Variants in PKHD1 observed in about 807,000 individuals in gnomAD.
PKHD1 encodes PKHD1 ciliary IPT domain containing fibrocystin/polyductin.
Under a neutral mutation model 412.0 loss-of-function variants are expected in PKHD1, and 291 were observed. The observed-to-expected ratio is 0.71, with a 90% CI of 0.64 to 0.78. The LOEUF (loss-of-function observed/expected upper bound fraction) is 0.78. PKHD1 is among the 30% of genes least tolerant of loss of function. The pLI, the probability that PKHD1 is intolerant of heterozygous loss-of-function variation, is 0.00. For missense variants in PKHD1, 4,825 were observed against 4,950.7 expected (o/e 0.97, Z 0.76); for synonymous variants, 1,777 against 1,821.5 (o/e 0.98, Z 0.62).
At chr6:51,903,047 C>T (rs1251297335) in intron 43 of PKHD1, among the ~76,000 whole-genome samples, 1 of 152,036 alleles carries the variant, frequency 6.6e-6, no homozygotes, top group Non-Finnish European at 1.5e-5. Context: ...AATCAGCACC[C>T]AGAGTTGGTA....
At chr6:51,630,769 A>G (rs1157119438) in intron 65 of PKHD1, among the ~76,000 whole-genome samples, 1 of 152,208 alleles carries the variant, frequency 6.6e-6, no homozygotes, top group African/African-American at 2.4e-5. Context: ...TATAAAATAC[A>G]GAAGGTATAA....
rs887237658 is a variant in PKHD1, at chr6:51,616,975, G to C, written c.*2106C>G. ...TTGGAAAAAAACACAAGGAGAAGTA[G>C]GTTTTTGGGCTGTGTTAACTTCATA... On this transcript the variant is annotated 3_prime_UTR_variant, in exon 67 of 67. Coordinates refer to ENST00000371117, the MANE Select transcript of PKHD1 (RefSeq NM_138694.4). 9.4e-6 allele frequency: 3 copies of C among 320,744 alleles called. No homozygotes were observed. The highest frequency in any genetic ancestry group is 1.7e-5 in the Non-Finnish European group (3 of 177,514). The allele number at this position is 320,744 out of a possible 1,614,324, so 19.9% of individuals were successfully genotyped here.
In PKHD1 at chr6:52,033,101, C is replaced by T. The variant is rs866759107; in HGVS notation, c.3293G>A (p.Arg1098Lys). The change falls in exon 29 of 67, where the codon AGA (arginine) becomes AAA (lysine). Residue 1098 changes from arginine (R) to lysine (K), a missense_variant. By Grantham distance (26) the Arg-to-Lys change is conservative. Transcript: ENST00000371117. ...TAAGGAAGAGACATATGTAAATGCTCTGGGAAGAACTGCAGAATAGTCCCC... is the reference window on the plus strand; with the variant it reads ...TAAGGAAGAGACATATGTAAATGCTTTGGGAAGAACTGCAGAATAGTCCCC... ...IRGDYSAVLP[R>K]AFTYVSSLNP... The T allele has an allele frequency of 6.2e-7, 1 of 1,610,400 alleles. No individual in the cohort carries two copies. The highest frequency in any genetic ancestry group is 1.1e-5 in the South Asian group (1 of 91,020).
intron 35 of PKHD1, among the ~76,000 whole-genome samples, chr6:51,967,697 G>A (rs1793031470): frequency 6.6e-6 from 1 of 151,668 alleles, no homozygotes; most frequent in Admixed American, 6.6e-5. Flanking sequence ...ACGCACTCAC[G>A]TGCATGCACA....
At chr6:51,829,139 A>C (rs997856630) in intron 52 of PKHD1, among the ~76,000 whole-genome samples, 1 of 152,108 alleles carries the variant, frequency 6.6e-6, no homozygotes, top group African/African-American at 2.4e-5. Context: ...TCCTTTCTAC[A>C]TCCAATGCCT....
intron 66 of PKHD1, chr6:51,622,644 G>A (rs1384167778): frequency 6.6e-6 from 1 of 152,252 alleles, no homozygotes; most frequent in South Asian, 2.1e-4. Context: ...TGACAATTGA[G>A]GAGGCATAAA....
chr6:51,697,219 T>C (rs930426628), intron 60 of PKHD1, among the ~76,000 whole-genome samples: 1 of 152,006 alleles, frequency 6.6e-6, no homozygotes, highest in African/African-American at 2.4e-5. Context: ...TAAAGGATAC[T>C]AGTAATTGTC....
At chr6:52,042,321 G>C (rs1052893031) in intron 27 of PKHD1, among the ~76,000 whole-genome samples, 6 of 152,148 alleles carry the variant, frequency 3.9e-5, no homozygotes, top group African/African-American at 1.4e-4. Context: ...AAAATCCAAA[G>C]CATTAAGGAA....
At chr6:51,705,788 C>T (rs1003166694) in intron 60 of PKHD1, among the ~76,000 whole-genome samples, 1 of 151,886 alleles carries the variant, frequency 6.6e-6, no homozygotes, top group Non-Finnish European at 1.5e-5. Flanking sequence ...AGTGATAAAG[C>T]AAAAGCCAAA....
At chr6:51,642,922 G>A (rs1337158440) in intron 63 of PKHD1, among the ~76,000 whole-genome samples, 1 of 152,156 alleles carries the variant, frequency 6.6e-6, no homozygotes, top group African/African-American at 2.4e-5. Flanking sequence ...GAGGAGCAAT[G>A]TAAGGCATGA....
In PKHD1 at chr6:51,736,461, G is replaced by T. The variant is rs569942687; in HGVS notation, c.10156+7924C>A. ...ACCACTAGAAGCCGTATCCCCCCCT[G>T]CTTGGGATTAAAATCCCTTGCAGCT... On this transcript the variant is annotated intron_variant, in intron 60 of 66. Coordinates refer to ENST00000371117, the MANE Select transcript of PKHD1 (RefSeq NM_138694.4). 6.6e-5 allele frequency among the ~76,000 whole-genome samples: 10 copies of T among 152,204 alleles called. No individual in the cohort carries two copies. In the East Asian group the frequency reaches 1.7e-3, roughly 26 times the overall value.
chr6:51,950,220 A>AAAAATATATAT, intron 36 of PKHD1, among the ~76,000 whole-genome samples: 2,424 of 98,146 alleles, frequency 0.025, 57 homozygotes, highest in Middle Eastern at 0.053. Context: ...GAAAAAAAAA[A>AAAAATATATAT]ATATATATAT....
At position 51,887,116 on chromosome 6, in the gene PKHD1, A is replaced by C; in HGVS notation, c.7109+17T>G. 5 of 1,473,874 alleles carry C rather than the reference A, an allele frequency of 3.4e-6. No homozygotes were observed. Among genetic ancestry groups the C allele is most frequent in the Non-Finnish European group, 4.8e-6 (5 of 1,051,850 alleles). 91.3% of individuals were successfully genotyped at this position (1,473,874 alleles called of 1,614,324 possible). On this transcript the variant is annotated intron_variant, in intron 44 of 66. Transcript: ENST00000371117. ...TCATAAGACAGCCAAAACATAGATG[A>C]ATTTCCCCAAAGTTACCTGGTACAA...
intron 60 of PKHD1, among the ~76,000 whole-genome samples, chr6:51,678,372 A>G (rs1776169794): frequency 6.6e-6 from 1 of 152,178 alleles, no homozygotes; most frequent in Non-Finnish European, 1.5e-5. Context: ...TTACATTCCT[A>G]TAATTTTAAA....
Position 51,659,039 on chromosome 6 carries a change from G to A in PKHD1, c.11087C>T (p.Ala3696Val). 1 of 1,612,492 alleles carries A rather than the reference G, an allele frequency of 6.2e-7. No homozygotes were observed. Among genetic ancestry groups the A allele is most frequent in the Non-Finnish European group, 8.5e-7 (1 of 1,178,652 alleles). ...LQNLAHRVIT[A>V]QQTGVLENVL... ...ATTCTCTAGTACCCCAGTCTGTTGA[G>A]CAGTGATGACTCGATGAGCCAAATT... The change falls in exon 61 of 67, where the codon GCT becomes GTT. Residue 3696 changes from alanine (A) to valine (V), a missense_variant. Coordinates refer to ENST00000371117, the MANE Select transcript of PKHD1 (RefSeq NM_138694.4).
At chr6:51,804,630 G>C (rs1763489405) in intron 52 of PKHD1, among the ~76,000 whole-genome samples, 1 of 151,976 alleles carries the variant, frequency 6.6e-6, no homozygotes, top group African/African-American at 2.4e-5. Flanking sequence ...TCTGCAAATT[G>C]GTAAGAAGAA....
intron 52 of PKHD1, among the ~76,000 whole-genome samples, chr6:51,804,493 T>G (rs1221303676): frequency 2.0e-5 from 3 of 147,020 alleles, no homozygotes; most frequent in Non-Finnish European, 4.4e-5. Flanking sequence ...TTGGAGTACT[T>G]GCTCTATACC....
At chr6:51,915,115 G>A (rs1220001274) in intron 37 of PKHD1, among the ~76,000 whole-genome samples, 1 of 152,050 alleles carries the variant, frequency 6.6e-6, no homozygotes, top group Non-Finnish European at 1.5e-5. Flanking sequence ...TGACAGAGAA[G>A]ATATGGGGTC....
chr6:51,747,739 GC>G, intron 58 of PKHD1, 47 bp downstream of exon 58: 1 of 1,517,582 alleles, frequency 6.6e-7, no homozygotes, highest in East Asian at 2.3e-5. Flanking sequence ...AAAATTTTAT[GC>G]ATGGATGTAT....
Sources: gnomAD v4.1 joint callset for allele counts (sites outside exome capture counted in the v4.1 genomes callset) on GRCh38, gnomAD v4.1.1 for gene constraint, MANE v1.5 for transcripts, NCBI Gene and HGNC (gene_info 2026-07-23, HGNC 2026-07-21) for gene names.